The following ITGBL1 variants were observed in gnomAD, a reference collection of about 807,000 sequenced individuals.
The protein encoded by ITGBL1 is integrin beta-like protein 1.
In ITGBL1, 51 loss-of-function variants were observed where a neutral mutation model predicts 68.5. That is an observed-to-expected ratio of 0.74 (90% CI 0.59 to 0.94). The LOEUF is 0.94. Ranked by LOEUF, ITGBL1 falls within the 40% of genes least tolerant of loss-of-function variation. The pLI is 0.00. For missense variants in ITGBL1, 649 were observed against 647.4 expected (o/e 1.00, Z -0.03); for synonymous variants, 209 against 227.3 (o/e 0.92, Z 0.72).
chr13:101,703,128 A>G (rs1267172355), intron 8 of ITGBL1, among the ~76,000 whole-genome samples: 3 of 152,106 alleles, frequency 2.0e-5, no homozygotes, highest in Non-Finnish European at 4.4e-5. Flanking sequence ...CATTTGACAC[A>G]TAACTATATA....
At chr13:101,604,883 T>TACACACAC (rs1444965646) in intron 7 of ITGBL1, among the ~76,000 whole-genome samples, 145 of 12,938 alleles carry the variant, frequency 0.011, 1 homozygote, top group Non-Finnish European at 0.016. Context: ...TATATATATA[T>TACACACAC]ATATACACAC....
downstream of ITGBL1, chr13:101,717,835 C>T (rs1182637435): frequency 1.3e-5 from 2 of 152,134 alleles, no homozygotes; most frequent in Non-Finnish European, 2.9e-5. Context: ...TATAGCTCAT[C>T]ACAAAACCTC....
chr13:101,459,922 A>C (rs2048295292), intron 2 of ITGBL1, among the ~76,000 whole-genome samples: 1 of 152,170 alleles, frequency 6.6e-6, no homozygotes. Context: ...CGAAGTAAGT[A>C]GTATGGGAAT....
At chr13:101,474,565 T>C (rs1022859275) in intron 2 of ITGBL1, among the ~76,000 whole-genome samples, 5 of 152,116 alleles carry the variant, frequency 3.3e-5, no homozygotes, top group African/African-American at 4.8e-5. Flanking sequence ...CCCCTGGGCC[T>C]TGAACAAAAT....
intron 7 of ITGBL1, among the ~76,000 whole-genome samples, chr13:101,629,888 C>T (rs760393714): frequency 1.6e-4 from 25 of 152,022 alleles, no homozygotes; most frequent in Non-Finnish European, 2.6e-4. Context: ...AGTGACACAA[C>T]CTCGGCTCAC....
intron 7 of ITGBL1, among the ~76,000 whole-genome samples, chr13:101,613,409 G>A (rs1267270453): frequency 6.6e-6 from 1 of 152,178 alleles, no homozygotes; most frequent in Non-Finnish European, 1.5e-5. Context: ...ATGTCATAGA[G>A]TTTGGGAAAA....
chr13:101,633,317 G>A (rs1266081301), intron 7 of ITGBL1, among the ~76,000 whole-genome samples: 1 of 152,146 alleles, frequency 6.6e-6, no homozygotes, highest in African/African-American at 2.4e-5. Context: ...ATAGTGAAAT[G>A]ATGAACTAGA....
intron 7 of ITGBL1, among the ~76,000 whole-genome samples, chr13:101,625,434 A>T (rs1366990312): frequency 6.6e-6 from 1 of 152,144 alleles, no homozygotes; most frequent in East Asian, 1.9e-4. Flanking sequence ...AATTCAAGGG[A>T]TGATATTGCT....
At chr13:101,621,212 C>T (rs1268129986) in intron 7 of ITGBL1, among the ~76,000 whole-genome samples, 2 of 152,112 alleles carry the variant, frequency 1.3e-5, no homozygotes, top group Non-Finnish European at 2.9e-5. Context: ...TAGCTTTGTA[C>T]AAGTGTATGT....
At chr13:101,602,455 A>G (rs1594920477) in intron 7 of ITGBL1, among the ~76,000 whole-genome samples, 5 of 152,164 alleles carry the variant, frequency 3.3e-5, no homozygotes, top group Admixed American at 3.3e-4. Flanking sequence ...ATGCTTTTGA[A>G]GAAGTCGTAA....
intron 2 of ITGBL1, among the ~76,000 whole-genome samples, chr13:101,462,599 T>C (rs2048332143): frequency 6.6e-6 from 1 of 152,198 alleles, no homozygotes; most frequent in Non-Finnish European, 1.5e-5. Flanking sequence ...ATTATTTTTT[T>C]TGAGTTGGAT....
At chr13:101,505,368 G>T (rs2049010665) in intron 2 of ITGBL1, among the ~76,000 whole-genome samples, 1 of 152,116 alleles carries the variant, frequency 6.6e-6, no homozygotes, top group African/African-American at 2.4e-5. Context: ...TGTTCTTGAA[G>T]AACTCATAAT....
chr13:101,503,115 G>T (rs1230022001), intron 2 of ITGBL1, among the ~76,000 whole-genome samples: 1 of 152,196 alleles, frequency 6.6e-6, no homozygotes, highest in African/African-American at 2.4e-5. Flanking sequence ...TTTGGTAAAA[G>T]AAATATGGGG....
chr13:101,672,307 G>A (rs565726578), intron 7 of ITGBL1, among the ~76,000 whole-genome samples: 1 of 152,328 alleles, frequency 6.6e-6, no homozygotes, highest in Admixed American at 6.5e-5. Context: ...GAGTTAAGAA[G>A]AAATTACTTA....
intron 7 of ITGBL1, among the ~76,000 whole-genome samples, chr13:101,633,415 G>A (rs143281214): frequency 9.9e-5 from 15 of 152,242 alleles, no homozygotes; most frequent in African/African-American, 2.6e-4. Flanking sequence ...AAGCCATCTC[G>A]TTGATTTACT....
At chr13:101,541,861 C>T (rs967778464) in intron 2 of ITGBL1, among the ~76,000 whole-genome samples, 6 of 152,136 alleles carry the variant, frequency 3.9e-5, no homozygotes, top group African/African-American at 1.4e-4. Flanking sequence ...TTATAGTATT[C>T]TCTGATGGTA....
intron 7 of ITGBL1, among the ~76,000 whole-genome samples, chr13:101,605,876 A>G (rs1337282689): frequency 2.7e-5 from 4 of 150,048 alleles, no homozygotes; most frequent in Non-Finnish European, 6.0e-5. Flanking sequence ...GTATATATAC[A>G]CATATATAGA....
intron 2 of ITGBL1, among the ~76,000 whole-genome samples, chr13:101,537,557 G>A (rs746428472): frequency 6.6e-6 from 1 of 151,972 alleles, no homozygotes; most frequent in Non-Finnish European, 1.5e-5. Flanking sequence ...GTTTCACTTA[G>A]CATAGAGCAG....
At chr13:101,668,530 A>G (rs1020862512) in intron 7 of ITGBL1, among the ~76,000 whole-genome samples, 7 of 152,242 alleles carry the variant, frequency 4.6e-5, no homozygotes, top group Non-Finnish European at 1.0e-4. Flanking sequence ...AAATACCCAT[A>G]TATTTCAGGT....
Sources: gnomAD v4.1 joint callset for allele counts (sites outside exome capture counted in the v4.1 genomes callset) on GRCh38, gnomAD v4.1.1 for gene constraint, MANE v1.5 for transcripts, NCBI Gene and HGNC (gene_info 2026-07-23, HGNC 2026-07-21) for gene names.